The following PCDHA3 variants were observed in gnomAD, a reference collection of about 807,000 sequenced individuals.
PCDHA3 encodes the protein protocadherin alpha-3.
A neutral mutation model predicts 62.2 loss-of-function variants in PCDHA3; 41 were observed. That is an observed-to-expected ratio of 0.66 (90% CI 0.51 to 0.86). PCDHA3 has a LOEUF of 0.86. Among genes scored for constraint, PCDHA3 ranks in the 40% least tolerant of loss-of-function variants. The pLI, the probability that PCDHA3 is intolerant of heterozygous loss-of-function variation, is 0.00. For missense variants in PCDHA3, 1,304 were observed against 1,241.2 expected (o/e 1.05, Z -0.76); for synonymous variants, 640 against 555.4 (o/e 1.15, Z -2.14).
rs201585398 is a variant in PCDHA3 at position 140,802,395 on chromosome 5, A to G, written c.1198A>G (p.Thr400Ala). Reference protein sequence around the residue: ...TPHVPFKLVSTFKNYYSLVLD... With the variant: ...TPHVPFKLVSAFKNYYSLVLD... ...CCACGTCCCCTTCAAGCTGGTGTCC[A>G]CCTTCAAGAATTACTACTCATTGGT... Residue 400 changes from threonine to alanine, a missense_variant, in exon 1 of 4, where the codon ACC becomes GCC. Thr to Ala is a moderately conservative substitution (Grantham distance 58). Coordinates refer to ENST00000522353, the MANE Select transcript of PCDHA3 (RefSeq NM_018906.3). 1 of 1,614,230 alleles carries G rather than the reference A, an allele frequency of 6.2e-7. No individual in the cohort carries two copies. Among genetic ancestry groups the G allele is most frequent in the Non-Finnish European group, 8.5e-7 (1 of 1,180,046 alleles).
chr5:140,809,625 C>A (rs782420889), intron 1 of PCDHA3: 3 of 1,508,084 alleles, frequency 2.0e-6, no homozygotes, highest in Non-Finnish European at 1.8e-6. Flanking sequence ...TCTCTATCAA[C>A]TTCTTCGTAA....
intron 1 of PCDHA3, among the ~76,000 whole-genome samples, chr5:140,945,084 G>A (rs2093736806): frequency 6.6e-6 from 1 of 151,822 alleles, no homozygotes; most frequent in Admixed American, 6.6e-5. Context: ...AACACTCTTG[G>A]AACTAATAAA....
chr5:140,852,589 T>TA (rs1324602977), intron 1 of PCDHA3: 6 of 884,534 alleles, frequency 6.8e-6, no homozygotes, highest in African/African-American at 2.0e-5. Flanking sequence ...TTTATTTTTT[T>TA]TTTTTGTCAT....
chr5:140,874,590 T>C (rs1345853316), intron 1 of PCDHA3, among the ~76,000 whole-genome samples: 11 of 152,248 alleles, frequency 7.2e-5, no homozygotes, highest in Non-Finnish European at 1.5e-4. Flanking sequence ...TTTGGGATAG[T>C]GTGAAATTTG....
At chr5:140,928,585 G>A (rs1554206029) in intron 1 of PCDHA3, 1 of 1,614,194 alleles carries the variant, frequency 6.2e-7, no homozygotes, top group Admixed American at 1.7e-5. Context: ...AAATGGTTCT[G>A]TCCCAGTGGA....
rs2150351918 is a variant in PCDHA3, at chr5:140,843,075, TG to T, written c.2394+39487del. ...GCGAGCAAGCTGGTGCCGCGGTCTG[TG>T]GGCGCGGGCCACGTGGTAGCGAAGG... On this transcript the variant is annotated intron_variant, in intron 1 of 3. Coordinates refer to ENST00000522353, the MANE Select transcript of PCDHA3 (RefSeq NM_018906.3). 2.6e-5 allele frequency: 42 copies of T among 1,595,158 alleles called. 6 individuals carry two copies. Among genetic ancestry groups the T allele is most frequent in the Non-Finnish European group, 1.6e-5 (19 of 1,165,272 alleles).
intron 1 of PCDHA3, chr5:140,842,702 A>G (rs1554139288): frequency 2.5e-6 from 4 of 1,595,028 alleles, no homozygotes; most frequent in Non-Finnish European, 1.7e-6. Flanking sequence ...GCCCGAGTAC[A>G]CGGTGTTCGT....
chr5:140,916,210 A>G, intron 1 of PCDHA3, among the ~76,000 whole-genome samples: 1 of 152,210 alleles, frequency 6.6e-6, no homozygotes, highest in East Asian at 1.9e-4. Context: ...GCCCTGGGGA[A>G]GATCCAAATA....
intron 1 of PCDHA3, among the ~76,000 whole-genome samples, chr5:140,888,287 C>A (rs1371852276): frequency 6.6e-6 from 1 of 152,072 alleles, no homozygotes; most frequent in Non-Finnish European, 1.5e-5. Context: ...CCCCTCTACC[C>A]CCTACCCAGG....
chr5:140,832,848 G>A (rs968087130), intron 1 of PCDHA3, among the ~76,000 whole-genome samples: 3 of 152,162 alleles, frequency 2.0e-5, no homozygotes, highest in Admixed American at 6.6e-5. Flanking sequence ...GAAGGAGACC[G>A]TGAAGAGTCA....
chr5:140,980,810 GA>G (rs1410107766), intron 2 of PCDHA3, among the ~76,000 whole-genome samples: 5 of 152,024 alleles, frequency 3.3e-5, no homozygotes, highest in Non-Finnish European at 7.4e-5. Context: ...GTAATACATT[GA>G]ACATATTAAA....
At position 140,942,403 on chromosome 5, in the gene PCDHA3, T is replaced by A. The variant is rs184466711; in HGVS notation, c.2395-36546T>A. Among the ~76,000 whole-genome samples the A allele has an allele frequency of 2.8e-3, 421 of 151,284 alleles. 2 individuals are homozygous for A. The highest frequency in any genetic ancestry group is 0.014 in the Middle Eastern group (4 of 294). The stretch of plus-strand genomic sequence containing the variant: ...TTCCAGCCTGGGCGACAGATGAGAC[T>A]CTGTTTAAAAAAAAAAAAGATATCT... On this transcript the variant is annotated intron_variant, in intron 1 of 3. Transcript: ENST00000522353.
In PCDHA3 at chr5:140,803,471, G is replaced by A. The variant is rs1763210316; in HGVS notation, c.2274G>A (p.Val758=). The A allele has an allele frequency of 6.2e-7, 1 of 1,614,266 alleles. No homozygotes were observed. ...WSYSQQRQQR[V]CSGEGLPKTD... ...ACTCGCAGCAGAGGCAGCAGAGGGT[G>A]TGCTCTGGAGAGGGGTTGCCCAAGA... Residue 758 remains valine (V), a synonymous_variant, in exon 1 of 4, where the codon GTG becomes GTA. Coordinates refer to ENST00000522353, the MANE Select transcript of PCDHA3 (RefSeq NM_018906.3).
chr5:140,863,494 C>T (rs1203332871), intron 1 of PCDHA3: 2 of 442,624 alleles, frequency 4.5e-6, no homozygotes, highest in East Asian at 6.0e-5. Context: ...GTCAACATTA[C>T]GGCTTTTAGT....
At chr5:140,874,680 T>C (rs1018074001) in intron 1 of PCDHA3, among the ~76,000 whole-genome samples, 1 of 152,258 alleles carries the variant, frequency 6.6e-6, no homozygotes, top group Non-Finnish European at 1.5e-5. Flanking sequence ...TCCTGAGATT[T>C]GTTTTAACAT....
intron 1 of PCDHA3, chr5:140,857,282 C>T: frequency 6.3e-7 from 1 of 1,598,744 alleles, no homozygotes; most frequent in Non-Finnish European, 8.6e-7. Flanking sequence ...GGACAGCGCT[C>T]TGGACCGCGA....
At chr5:140,977,978 G>A (rs1401757319) in intron 1 of PCDHA3, among the ~76,000 whole-genome samples, 2 of 152,048 alleles carry the variant, frequency 1.3e-5, no homozygotes, top group Non-Finnish European at 2.9e-5. Flanking sequence ...CCATGAAAAC[G>A]CATCTAGAGG....
chr5:140,876,514 C>A, intron 1 of PCDHA3: 1 of 1,614,026 alleles, frequency 6.2e-7, no homozygotes, highest in East Asian at 2.2e-5. Flanking sequence ...TGACAATGTC[C>A]CTGAAGTAAT....
At chr5:140,970,911 T>C (rs1003828575) in intron 1 of PCDHA3, among the ~76,000 whole-genome samples, 2 of 152,194 alleles carry the variant, frequency 1.3e-5, no homozygotes, top group East Asian at 3.9e-4. Context: ...ATTTATTCAT[T>C]TATCAGAAGT....
Sources: gnomAD v4.1 joint callset for allele counts (sites outside exome capture counted in the v4.1 genomes callset) on GRCh38, gnomAD v4.1.1 for gene constraint, MANE v1.5 for transcripts, NCBI Gene and HGNC (gene_info 2026-07-23, HGNC 2026-07-21) for gene names.